ANKEF1: variants seen among roughly 807,000 people sequenced by gnomAD.
ANKEF1 encodes ankyrin repeat and EF-hand domain-containing protein 1.
ANKEF1 carries 43 observed loss-of-function variants against 65.1 expected under a neutral mutation model. That is an observed-to-expected ratio of 0.66 (90% CI 0.52 to 0.85). The LOEUF is 0.85. ANKEF1 is among the 40% of genes least tolerant of loss of function. The pLI, the probability that ANKEF1 is intolerant of heterozygous loss-of-function variation, is 0.00. For synonymous variants in ANKEF1, 316 were observed against 341.5 expected (o/e 0.93, Z 0.82); for missense variants, 934 against 952.9 (o/e 0.98, Z 0.26).
Position 10,038,547 on chromosome 20 carries a change from T to C in ANKEF1, c.246T>C (p.Cys82=), listed in dbSNP as rs756036453. The C allele has an allele frequency of 1.9e-6, 3 of 1,614,228 alleles. No individual in the cohort carries two copies. The highest frequency in any genetic ancestry group is 4.5e-5 in the East Asian group (2 of 44,876). The stretch of plus-strand genomic sequence containing the variant: ...CTGATGTGCAAGACCGAATGGGCTG[T>C]ACTCCCACAATGAGGGCTGCAGAAC... ...AHPDVQDRMG[C]TPTMRAAELG... The change falls in exon 3 of 11, where the codon TGT becomes TGC. Residue 82 remains cysteine, a synonymous_variant. Coordinates refer to ENST00000378392, the MANE Select transcript of ANKEF1 (RefSeq NM_022096.6).
At chr20:10,054,422 A>C in intron 9 of ANKEF1, 40 bp from the exon 10 acceptor site, 1 of 1,458,874 alleles carries the variant, frequency 6.9e-7, no homozygotes, top group South Asian at 1.4e-5. Context: ...AAATCAGTAT[A>C]GATTTTTACA....
chr20:10,049,762 G>A lies in ANKEF1; in HGVS notation c.1193G>A (p.Gly398Glu), dbSNP rs756218726. The A allele has an allele frequency of 2.5e-6, 4 of 1,613,950 alleles. No individual in the cohort carries two copies. Among genetic ancestry groups the A allele is most frequent in the African/African-American group, 1.3e-5 (1 of 74,900 alleles). The part of the protein sequence containing the change: ...GGVNINEFFK[G>E]TRYLNKSFVL... ...GTCAATATTAATGAATTCTTTAAAGGAACCAGATATTTAAACAAGTCTTTT... is the reference window on the plus strand; with the variant it reads ...GTCAATATTAATGAATTCTTTAAAGAAACCAGATATTTAAACAAGTCTTTT... Residue 398 changes from glycine (G) to glutamate (E), a missense_variant, in exon 7 of 11, where the codon GGA becomes GAA. Transcript: ENST00000378392.
intron 3 of ANKEF1, among the ~76,000 whole-genome samples, chr20:10,042,485 T>C (rs141442167): frequency 6.6e-6 from 1 of 152,330 alleles, no homozygotes; most frequent in East Asian, 1.9e-4. Context: ...TTTATAACAG[T>C]AACCCTGATG....
chr20:10,043,321 A>G lies in ANKEF1; in HGVS notation c.546A>G (p.Ser182=). The G allele has an allele frequency of 1.2e-6, 2 of 1,613,214 alleles. No individual in the cohort carries two copies. The highest frequency in any genetic ancestry group is 1.7e-6 in the Non-Finnish European group (2 of 1,179,468). Residue 182 remains serine, a splice_region_variant and synonymous_variant, in exon 4 of 11, where the codon TCA becomes TCG. Transcript: ENST00000378392. ...EKGANPNAIN[S]STGRTALMEA... is the part of the protein sequence containing the mutation. ...GAGCCAATCCTAATGCAATCAACTC[A>G]GTATGGCTATTCTTGTGATTACAAA...
chr20:10,048,430 T>G (rs1984645287), intron 6 of ANKEF1, among the ~76,000 whole-genome samples: 2 of 152,170 alleles, frequency 1.3e-5, no homozygotes, highest in Admixed American at 6.5e-5. Context: ...AATTACGCTC[T>G]TTTAGCTATT....
Position 10,054,714 on chromosome 20 carries a change from C to T in ANKEF1, c.2172+115C>T, listed in dbSNP as rs1473571648. On this transcript the variant is annotated intron_variant, in intron 10 of 10. Transcript: ENST00000378392. ...CTGCACAGTTTGTCTTTCATAGTTA[C>T]TACTTGTGAATGTTCTTTTGCCAGG... The T allele has an allele frequency of 5.4e-6, 6 of 1,110,070 alleles. No homozygotes were observed. In the East Asian group the frequency reaches 1.4e-4, roughly 26 times the overall value. 68.8% of individuals were successfully genotyped at this position (1,110,070 alleles called of 1,614,324 possible).
At chr20:10,050,849 A>G (rs1382076283) in intron 7 of ANKEF1, among the ~76,000 whole-genome samples, 2 of 152,178 alleles carry the variant, frequency 1.3e-5, no homozygotes, top group East Asian at 1.9e-4. Flanking sequence ...GGCTATAATA[A>G]CATGCTTTGG....
intron 6 of ANKEF1, 80 bp downstream of exon 6, chr20:10,045,777 C>T: frequency 6.7e-7 from 1 of 1,482,158 alleles, no homozygotes; most frequent in South Asian, 1.2e-5. Flanking sequence ...TTGGGCCTAT[C>T]ACTTGTCAGT....
chr20:10,046,227 T>G (rs536857488), intron 6 of ANKEF1, among the ~76,000 whole-genome samples: 1 of 152,278 alleles, frequency 6.6e-6, no homozygotes, highest in East Asian at 1.9e-4. Flanking sequence ...TGATCCAAGA[T>G]CTGTGTCTCA....
chr20:10,048,529 C>T lies in ANKEF1; in HGVS notation c.821-861C>T, dbSNP rs1568514302. ...TCATTCTTTCTATTTTTTTACCCAT[C>T]GTATACAATTTTAATTTTTGGCAAT... On this transcript the variant is annotated intron_variant, in intron 6 of 10. Transcript: ENST00000378392. 5.3e-5 allele frequency among the ~76,000 whole-genome samples: 8 copies of T among 152,116 alleles called. No homozygotes were observed. In the South Asian group the frequency reaches 8.3e-4, roughly 16 times the overall value.
At chr20:10,051,967 T>C (rs1600524006) in intron 8 of ANKEF1, 78 bp downstream of exon 8, 1 of 1,129,580 alleles carries the variant, frequency 8.9e-7, no homozygotes, top group Admixed American at 2.4e-5. Flanking sequence ...CTGATTCTAT[T>C]CTCGTAGGCT....
Position 10,049,390 on chromosome 20 carries a change from G to A in ANKEF1, c.821G>A (p.Gly274Glu), listed in dbSNP as rs975547885. ...ADCCKYIAQR[G>E]CDLKWKNLDH... is the part of the protein sequence containing the mutation. ...TAATTAATGATGCTTTATGTTTTAG[G>A]ATGTGACCTGAAATGGAAGAATTTA... The change falls in exon 7 of 11, where the codon GGA (glycine) becomes GAA (glutamate). Residue 274 changes from glycine to glutamate, a missense_variant and splice_region_variant. By Grantham distance (98) the Gly-to-Glu change is moderately conservative. Transcript: ENST00000378392. 1 of 1,607,724 alleles carries A rather than the reference G, an allele frequency of 6.2e-7. No individual in the cohort carries two copies. Among genetic ancestry groups the A allele is most frequent in the Non-Finnish European group, 8.5e-7 (1 of 1,177,534 alleles).
intron 2 of ANKEF1, among the ~76,000 whole-genome samples, chr20:10,037,558 G>A (rs1033069046): frequency 6.6e-6 from 1 of 152,130 alleles, no homozygotes; most frequent in East Asian, 1.9e-4. Flanking sequence ...CAAACGACCC[G>A]GATAGGATTC....
At chr20:10,039,383 C>T (rs1458116705) in intron 3 of ANKEF1, among the ~76,000 whole-genome samples, 1 of 152,134 alleles carries the variant, frequency 6.6e-6, no homozygotes, top group Non-Finnish European at 1.5e-5. Context: ...GAGCAGTTGT[C>T]CTGAGTTTCT....
rs779735874 is a variant in ANKEF1 at position 10,038,483 on chromosome 20, T to C, written c.182T>C (p.Ile61Thr). Residue 61 changes from isoleucine to threonine, a missense_variant, in exon 3 of 11, where the codon ATT (isoleucine) becomes ACT (threonine). Ile to Thr is a moderately conservative substitution (Grantham distance 89). Transcript: ENST00000378392. ...ALHLASVSND[I>T]DMVSFLLDLG... ...CACTTAGCCTCAGTTTCCAATGATA[T>C]TGATATGGTCAGCTTTCTCCTTGAC... The C allele has an allele frequency of 1.8e-5, 29 of 1,614,102 alleles. No individual in the cohort carries two copies. The South Asian group carries it at 3.1e-4, about 17-fold the overall frequency.
At chr20:10,050,241 A>G (rs546987220) in intron 7 of ANKEF1, 29 bp downstream of exon 7, 1 of 1,531,530 alleles carries the variant, frequency 6.5e-7, no homozygotes, top group Admixed American at 2.0e-5. Context: ...TGTGGCCTAA[A>G]TTTTCACGAG....
At chr20:10,045,973 A>G (rs1371528671) in intron 6 of ANKEF1, among the ~76,000 whole-genome samples, 2 of 152,174 alleles carry the variant, frequency 1.3e-5, no homozygotes, top group Non-Finnish European at 2.9e-5. Context: ...TAATTATTCA[A>G]ATACTTATGG....
At chr20:10,040,369 C>T (rs746556794) in intron 3 of ANKEF1, among the ~76,000 whole-genome samples, 7 of 152,208 alleles carry the variant, frequency 4.6e-5, no homozygotes, top group East Asian at 1.9e-4. Context: ...CACTGTACAT[C>T]GTTCCTAAAG....
chr20:10,038,873 G>C (rs531381069), intron 3 of ANKEF1, among the ~76,000 whole-genome samples: 1 of 152,194 alleles, frequency 6.6e-6, no homozygotes, highest in Non-Finnish European at 1.5e-5. Flanking sequence ...CATATACTTA[G>C]ATTAATTTGT....
Sources: allele counts gnomAD v4.1 joint callset (sites outside exome capture counted in the v4.1 genomes callset), GRCh38; gene constraint gnomAD v4.1.1; transcripts MANE v1.5; gene names NCBI Gene and HGNC (gene_info 2026-07-23, HGNC 2026-07-21).